AR: variants seen among roughly 807,000 people sequenced by gnomAD.
AR encodes androgen receptor, also known as dihydrotestosterone receptor.
A neutral mutation model predicts 53.9 loss-of-function variants in AR; 8 were observed. The ratio of observed to expected loss-of-function variants is 0.15; its 90% CI spans 0.09 to 0.27. The LOEUF is 0.27. Ranked by LOEUF, AR falls within the 10% of genes least tolerant of loss-of-function variation. AR has a pLI of 1.00. For missense variants in AR, 639 were observed against 742.5 expected (o/e 0.86, Z 1.62); for synonymous variants, 359 against 316.4 (o/e 1.13, Z -1.43).
intron 1 of AR, among the ~76,000 whole-genome samples, chrX:67,556,574 C>G (rs1361601110): frequency 1.8e-5 from 2 of 111,555 alleles, no homozygotes; most frequent in South Asian, 3.8e-4. Flanking sequence ...TAGTGGTGAA[C>G]AGAACAGACA....
chrX:67,632,273 G>A (rs1265851998), intron 1 of AR, among the ~76,000 whole-genome samples: 1 of 113,317 alleles, frequency 8.8e-6, no homozygotes, highest in African/African-American at 3.2e-5. Context: ...TCAGACTGCT[G>A]TGCTAGCAAT....
chrX:67,575,119 C>T (rs1235263158), intron 1 of AR, among the ~76,000 whole-genome samples: 4 of 111,089 alleles, frequency 3.6e-5, no homozygotes, highest in Non-Finnish European at 7.6e-5. Context: ...CAAGATTTAA[C>T]ACATTTTCAA....
rs2076167804 is a variant in AR at position 67,728,588 on chromosome X, TA to T, written c.*4748del. On this transcript the variant is annotated 3_prime_UTR_variant, in exon 8 of 8. Transcript: ENST00000374690. ...TTCAAAATTGAAATATATATATATA[TA>T]TATATATATATATATATATATATAT... 1 of 87,445 alleles carries T rather than the reference TA, an allele frequency of 1.1e-5. No homozygotes were observed. The highest frequency in any genetic ancestry group is 2.2e-5 in the Non-Finnish European group (1 of 44,666). The allele number at this position is 87,445 out of a possible 1,213,427, so 7.2% of individuals were successfully genotyped here.
intron 1 of AR, among the ~76,000 whole-genome samples, chrX:67,634,049 C>T (rs1305814096): frequency 1.8e-5 from 2 of 110,586 alleles, no homozygotes; most frequent in Non-Finnish European, 3.8e-5. Context: ...ACTCAGTAAG[C>T]CCATTAAAAA....
intron 2 of AR, among the ~76,000 whole-genome samples, chrX:67,644,778 A>G (rs1925970790): frequency 9.0e-6 from 1 of 111,520 alleles, no homozygotes; most frequent in South Asian, 3.8e-4. Flanking sequence ...TACTGAAAAC[A>G]TGCCCCATGT....
chrX:67,727,764 C>G lies in AR; in HGVS notation c.*3923C>G, dbSNP rs2076163608. On this transcript the variant is annotated 3_prime_UTR_variant, in exon 8 of 8. Transcript: ENST00000374690. ...AAGAGGCTGACTGTCTACGAATTATCTTGTGCCAGTTGCCCAGGTGAGAGG... is the reference window on the plus strand; with the variant it reads ...AAGAGGCTGACTGTCTACGAATTATGTTGTGCCAGTTGCCCAGGTGAGAGG... 1.7e-5 allele frequency: 3 copies of G among 172,149 alleles called. No individual in the cohort carries two copies. In the South Asian group the frequency reaches 9.4e-4, roughly 54 times the overall value. 14.2% of individuals were successfully genotyped at this position (172,149 alleles called of 1,213,427 possible).
chrX:67,703,429 T>G (rs987169690), intron 3 of AR, among the ~76,000 whole-genome samples: 4 of 111,335 alleles, frequency 3.6e-5, no homozygotes, highest in Non-Finnish European at 3.8e-5. Context: ...GTTCTTAAGG[T>G]TTGAGTTTTG....
intron 1 of AR, among the ~76,000 whole-genome samples, chrX:67,623,570 A>G (rs1345437978): frequency 1.8e-5 from 2 of 111,478 alleles, no homozygotes; most frequent in African/African-American, 6.5e-5. Context: ...CAAGAACCTA[A>G]CCTTCCACCT....
chrX:67,706,019 T>C (rs1001327214), intron 3 of AR, among the ~76,000 whole-genome samples: 2 of 111,902 alleles, frequency 1.8e-5, no homozygotes, highest in Non-Finnish European at 3.8e-5. Flanking sequence ...GTGGATAAGC[T>C]TTTTGATGTG....
intron 1 of AR, among the ~76,000 whole-genome samples, chrX:67,606,699 A>G (rs772620489): frequency 8.9e-6 from 1 of 112,545 alleles, no homozygotes; most frequent in Admixed American, 9.4e-5. Flanking sequence ...AGTTTTCTTG[A>G]TTGAGGCTTG....
At chrX:67,627,092 C>T (rs928213744) in intron 1 of AR, among the ~76,000 whole-genome samples, 3 of 109,567 alleles carry the variant, frequency 2.7e-5, no homozygotes, top group African/African-American at 6.7e-5. Flanking sequence ...AATGAACATA[C>T]GTGTGCATGT....
rs1929766595 is a variant in AR, at chrX:67,546,556, C to T, written c.1410C>T (p.Gly470=). The stretch of plus-strand genomic sequence containing the variant: ...GCGGCGGCGGCGGCGGCGGCGGCGG[C>T]GGCGGCGGCGAGGCGGGAGCTGTAG... The part of the protein sequence containing the change: ...GGGGGGGGGG[G]GGGEAGAVAP... The change falls in exon 1 of 8, where the codon GGC becomes GGT. Residue 470 remains glycine (G), a synonymous_variant. Transcript: ENST00000374690. 3 of 946,359 alleles carry T rather than the reference C, an allele frequency of 3.2e-6. No homozygotes were observed. The highest frequency in any genetic ancestry group is 2.1e-5 in the African/African-American group (1 of 47,165). 78.0% of individuals were successfully genotyped at this position (946,359 alleles called of 1,213,427 possible). A position where few individuals can be genotyped will look rare whatever the true frequency, so the allele number is the denominator to read the frequency against.
chrX:67,567,197 G>T (rs1921590499), intron 1 of AR, among the ~76,000 whole-genome samples: 1 of 111,307 alleles, frequency 9.0e-6, no homozygotes, highest in Non-Finnish European at 1.9e-5. Flanking sequence ...AGGTTTTACA[G>T]CCTTTCTGGG....
Position 67,545,657 on chromosome X carries a change from T to G in AR, c.511T>G (p.Phe171Val), listed in dbSNP as rs1485942997. 1 of 1,198,044 alleles carries G rather than the reference T, an allele frequency of 8.3e-7. No individual in the cohort carries two copies. The highest frequency in any genetic ancestry group is 1.1e-6 in the Non-Finnish European group (1 of 888,353). Reference protein sequence around the residue: ...PSTLSLLGPTFPGLSSCSADL... With the variant: ...PSTLSLLGPTVPGLSSCSADL... ...CACGTTGTCCCTGCTGGGCCCCACT[T>G]TCCCCGGCTTAAGCAGCTGCTCCGC... Residue 171 changes from phenylalanine (F) to valine (V), a missense_variant, in exon 1 of 8, where the codon TTC (phenylalanine) becomes GTC (valine). Coordinates refer to ENST00000374690, the MANE Select transcript of AR (RefSeq NM_000044.6).
intron 1 of AR, among the ~76,000 whole-genome samples, chrX:67,557,512 T>C (rs1356246086): frequency 8.9e-6 from 1 of 112,123 alleles, no homozygotes; most frequent in East Asian, 2.8e-4. Context: ...TCTCATGCAG[T>C]GCCTTCAGCT....
chrX:67,545,336 CAG>C lies in AR; in HGVS notation c.191_192del (p.Gln64ProfsTer19), dbSNP rs1929662322. On this transcript the variant is annotated frameshift_variant, in exon 1 of 8. Coordinates refer to ENST00000374690, the MANE Select transcript of AR (RefSeq NM_000044.6). LOFTEE classifies it high-confidence loss of function. ...LLLLQQQQQQ[Q>X]QQQQQQQQQQ... ...GCTGCTGCAGCAGCAGCAGCAGCAG[CAG>C]CAGCAGCAGCAGCAGCAGCAGCAGC... The C allele has an allele frequency of 4.5e-6, 5 of 1,104,331 alleles. No homozygotes were observed. The highest frequency in any genetic ancestry group is 6.0e-6 in the Non-Finnish European group (5 of 831,915). The allele number at this position is 1,104,331 out of a possible 1,213,427, so 91.0% of individuals were successfully genotyped here.
intron 2 of AR, among the ~76,000 whole-genome samples, chrX:67,645,062 C>G (rs1925989718): frequency 9.0e-6 from 1 of 111,179 alleles, no homozygotes; most frequent in Non-Finnish European, 1.9e-5. Context: ...GTCTATAGAG[C>G]AGAGAATGAA....
At chrX:67,683,145 A>G (rs943788500) in intron 2 of AR, among the ~76,000 whole-genome samples, 1 of 112,019 alleles carries the variant, frequency 8.9e-6, no homozygotes, top group Non-Finnish European at 1.9e-5. Context: ...ACATACATGA[A>G]TACACACATG....
intron 1 of AR, among the ~76,000 whole-genome samples, chrX:67,639,879 G>T (rs768741097): frequency 3.6e-5 from 4 of 111,523 alleles, no homozygotes; most frequent in African/African-American, 1.3e-4. Flanking sequence ...GTGAGAGACG[G>T]CATCCTTGTC....
Sources: gnomAD v4.1 joint callset for allele counts (sites outside exome capture counted in the v4.1 genomes callset) on GRCh38, gnomAD v4.1.1 for gene constraint, MANE v1.5 for transcripts, NCBI Gene and HGNC (gene_info 2026-07-23, HGNC 2026-07-21) for gene names.